The following MEI1 variants were observed in gnomAD, a reference collection of about 807,000 sequenced individuals.
MEI1 encodes the protein meiotic double-stranded break formation protein 1, also known as meiosis inhibitor protein 1.
In MEI1, 103 loss-of-function variants were observed where a neutral mutation model predicts 146.2. The observed-to-expected ratio is 0.70, with a 90% CI of 0.60 to 0.83. The LOEUF (loss-of-function observed/expected upper bound fraction) is 0.83. Ranked by LOEUF, MEI1 falls within the 40% of genes least tolerant of loss-of-function variation. The probability of loss-of-function intolerance (pLI) is 0.00; values close to 1 mark genes in which losing one functional copy is unlikely to be tolerated. For missense variants in MEI1, 1,529 were observed against 1,533.0 expected (o/e 1.00, Z 0.04); for synonymous variants, 652 against 628.2 (o/e 1.04, Z -0.57).
intron 19 of MEI1, chr22:41,767,632 G>A (rs1047211569): frequency 1.3e-5 from 6 of 453,744 alleles, no homozygotes; most frequent in African/African-American, 8.0e-5. Flanking sequence ...ACTCTATGCC[G>A]ATGATTTTTT....
At chr22:41,762,091 C>T (rs886958203) in intron 18 of MEI1, among the ~76,000 whole-genome samples, 1 of 152,180 alleles carries the variant, frequency 6.6e-6, no homozygotes, top group Non-Finnish European at 1.5e-5. Context: ...CTGTTGTAAA[C>T]ATGTGTGTAC....
intron 17 of MEI1, among the ~76,000 whole-genome samples, chr22:41,754,948 C>A (rs1229550817): frequency 6.6e-6 from 1 of 152,104 alleles, no homozygotes. Flanking sequence ...ATAGGGTGGT[C>A]AGGGAAGGCC....
intron 20 of MEI1, among the ~76,000 whole-genome samples, chr22:41,773,945 C>A (rs1408798231): frequency 6.6e-6 from 1 of 152,150 alleles, no homozygotes; most frequent in Non-Finnish European, 1.5e-5. Context: ...TAATTCTTAC[C>A]ATTTCTCCCC....
rs1300748640 is a variant in MEI1 at position 41,764,128 on chromosome 22, T to G, written c.2268+807T>G. 2.0e-5 allele frequency among the ~76,000 whole-genome samples: 3 copies of G among 151,970 alleles called. No homozygotes were observed. The East Asian group carries it at 5.8e-4, about 29-fold the overall frequency. Reference sequence around the variant, plus strand: ...GGCGCCCGCCACCACACCCGGCTAATTTTTTGTATTTTTAGTAGAGACGGG... The same window carrying G: ...GGCGCCCGCCACCACACCCGGCTAAGTTTTTGTATTTTTAGTAGAGACGGG... On this transcript the variant is annotated intron_variant, in intron 19 of 30. Transcript: ENST00000401548.
intron 23 of MEI1, 45 bp downstream of exon 23, chr22:41,781,439 G>C (rs1569316007): frequency 6.9e-7 from 1 of 1,458,640 alleles, no homozygotes; most frequent in East Asian, 2.4e-5. Context: ...TGGGCAGTCT[G>C]TGGTCCTCTG....
intron 20 of MEI1, chr22:41,774,238 T>A (rs770107337): frequency 2.0e-5 from 3 of 152,300 alleles, no homozygotes; most frequent in Non-Finnish European, 4.4e-5. Context: ...GCCTTCCCAC[T>A]GATCCATATG....
chr22:41,729,105 C>A lies in MEI1; in HGVS notation c.865-560C>A, dbSNP rs373509273. On this transcript the variant is annotated intron_variant, in intron 7 of 30. Coordinates refer to ENST00000401548, the MANE Select transcript of MEI1 (RefSeq NM_152513.4). Reference sequence around the variant, plus strand: ...CTTGAACCCAGGGAGGCGGAGGTTGCAGTGAGCCAAGATCATGCCACTGTA... The same window carrying A: ...CTTGAACCCAGGGAGGCGGAGGTTGAAGTGAGCCAAGATCATGCCACTGTA... 2.2e-5 allele frequency among the ~76,000 whole-genome samples: 3 copies of A among 135,998 alleles called. No homozygotes were observed. The South Asian group carries it at 7.0e-4, about 32-fold the overall frequency. The allele number at this position is 135,998 out of a possible 152,430, so 89.2% of individuals were successfully genotyped here.
chr22:41,707,624 C>A (rs1454742030), intron 3 of MEI1, among the ~76,000 whole-genome samples: 1 of 151,912 alleles, frequency 6.6e-6, no homozygotes, highest in East Asian at 1.9e-4. Flanking sequence ...ACATGGGCAA[C>A]ATAGCAAGAC....
Position 41,770,744 on chromosome 22 carries a change from A to G in MEI1, c.2327A>G (p.Tyr776Cys), listed in dbSNP as rs775949892. ...GGCATCCCAGACCTGCAGCTAGTCT[A>G]TACTCACCATCCGCTCCTGCTCAGG... is the stretch of plus-strand genomic sequence containing the variant. ...LEGIPDLQLV[Y>C]THHPLLLRFF... The change falls in exon 20 of 31, where the codon TAT becomes TGT. Residue 776 changes from tyrosine to cysteine, a missense_variant. Coordinates refer to ENST00000401548, the MANE Select transcript of MEI1 (RefSeq NM_152513.4). 2.5e-6 allele frequency: 4 copies of G among 1,613,930 alleles called. No individual in the cohort carries two copies. Among genetic ancestry groups the G allele is most frequent in the Non-Finnish European group, 3.4e-6 (4 of 1,179,868 alleles).
intron 19 of MEI1, among the ~76,000 whole-genome samples, chr22:41,765,198 T>C (rs1213387030): frequency 6.6e-6 from 1 of 152,224 alleles, no homozygotes; most frequent in Non-Finnish European, 1.5e-5. Context: ...GTATTTTTAG[T>C]AGAGACGGGT....
chr22:41,787,408 G>A (rs1016970157), intron 26 of MEI1, among the ~76,000 whole-genome samples: 2 of 151,952 alleles, frequency 1.3e-5, no homozygotes, highest in Non-Finnish European at 2.9e-5. Context: ...AATCATATCT[G>A]TCCAAAATGA....
intron 4 of MEI1, 32 bp from the exon 5 acceptor site, chr22:41,716,009 T>C (rs751836537): frequency 1.0e-5 from 15 of 1,487,310 alleles, no homozygotes; most frequent in African/African-American, 1.4e-5. Context: ...CTGATCCTAA[T>C]TGACAGAATG....
intron 17 of MEI1, among the ~76,000 whole-genome samples, chr22:41,755,426 G>C (rs1188589839): frequency 6.6e-6 from 1 of 152,104 alleles, no homozygotes; most frequent in African/African-American, 2.4e-5. Context: ...TTGGCTACTG[G>C]TTCTCTCACT....
Position 41,716,140 on chromosome 22 carries a change from G to A in MEI1, c.523G>A (p.Glu175Lys), listed in dbSNP as rs2070126563. The change falls in exon 5 of 31, where the codon GAG becomes AAG. Residue 175 changes from glutamate to lysine, a missense_variant. Glu to Lys is a moderately conservative substitution (Grantham distance 56). Coordinates refer to ENST00000401548, the MANE Select transcript of MEI1 (RefSeq NM_152513.4). The stretch of plus-strand genomic sequence containing the variant: ...TGCTCTGGCAGACGAGCTTGTAATG[G>A]AGCATGGTGAGTGACCTGTGGGAGG... ...IPALADELVMEHGNLMEHLLR... is the reference protein window; with the variant it reads ...IPALADELVMKHGNLMEHLLR... 6.2e-7 allele frequency: 1 copy of A among 1,604,256 alleles called. No individual in the cohort carries two copies. The highest frequency in any genetic ancestry group is 8.5e-7 in the Non-Finnish European group (1 of 1,174,932).
intron 19 of MEI1, among the ~76,000 whole-genome samples, chr22:41,767,321 G>A (rs574762936): frequency 3.3e-5 from 5 of 152,282 alleles, no homozygotes; most frequent in South Asian, 4.1e-4. Context: ...CCACATTCTC[G>A]TTCTGTTGCT....
At chr22:41,713,125 T>C (rs1210834585) in intron 3 of MEI1, among the ~76,000 whole-genome samples, 1 of 152,074 alleles carries the variant, frequency 6.6e-6, no homozygotes, top group African/African-American at 2.4e-5. Context: ...TAGAATTTTT[T>C]TAAAGCTTCC....
Position 41,771,071 on chromosome 22 carries a change from G to C in MEI1, c.2544+110G>C, listed in dbSNP as rs549134751. The C allele has an allele frequency of 3.7e-4, 439 of 1,195,964 alleles. 4 individuals carry two copies. The South Asian group carries it at 5.6e-3, about 15-fold the overall frequency. 74.1% of individuals were successfully genotyped at this position (1,195,964 alleles called of 1,614,324 possible). ...CCACATCTGCTTCAGCCCACCTCCA[G>C]ACTTATCACTGTCTGCATGTGAGTT... On this transcript the variant is annotated intron_variant, in intron 20 of 30. Coordinates refer to ENST00000401548, the MANE Select transcript of MEI1 (RefSeq NM_152513.4).
chr22:41,773,560 TAAAA>T (rs34960433), intron 20 of MEI1, among the ~76,000 whole-genome samples: 173 of 129,928 alleles, frequency 1.3e-3, no homozygotes, highest in Middle Eastern at 4.1e-3. Flanking sequence ...ACATCAATGG[TAAAA>T]AAAAAAAAAA....
chr22:41,793,063 T>TTTTTTTC (rs1569336429), intron 26 of MEI1, among the ~76,000 whole-genome samples: 1 of 118,568 alleles, frequency 8.4e-6, no homozygotes, highest in Admixed American at 1.0e-4. Context: ...TTTTTTTTTT[T>TTTTTTTC]CAGATAGAGT....
Sources: gnomAD v4.1 joint callset for allele counts (sites outside exome capture counted in the v4.1 genomes callset) on GRCh38, gnomAD v4.1.1 for gene constraint, MANE v1.5 for transcripts, NCBI Gene and HGNC (gene_info 2026-07-23, HGNC 2026-07-21) for gene names.